The following MED28 variants were observed in gnomAD, a reference collection of about 807,000 sequenced individuals.
The protein encoded by MED28 is mediator of RNA polymerase II transcription subunit 28.
MED28 carries 26 observed loss-of-function variants against 21.3 expected under a neutral mutation model. That is an observed-to-expected ratio of 1.22 (90% CI 0.89 to 1.69). MED28 has a LOEUF of 1.69. Ranked by LOEUF, MED28 falls within the 40% of genes most tolerant of loss-of-function variation. The pLI, the probability that MED28 is intolerant of heterozygous loss-of-function variation, is 0.00. For synonymous variants in MED28, 110 were observed against 87.6 expected (o/e 1.26, Z -1.43); for missense variants, 257 against 215.4 (o/e 1.19, Z -1.21).
rs1403763963 is a variant in MED28 at position 17,625,683 on chromosome 4, C to CT, written c.*1886dup. ...ATCTTACTGGGTGATGAATAATCCT[C>CT]TAAGAAACCCTCTGAGCTGCTAACT... On this transcript the variant is annotated 3_prime_UTR_variant, in exon 4 of 4. Transcript: ENST00000237380. 2.2e-6 allele frequency: 1 copy of CT among 448,196 alleles called. No individual in the cohort carries two copies. Among genetic ancestry groups the CT allele is most frequent in the African/African-American group, 2.0e-5 (1 of 49,840 alleles). 27.8% of individuals were successfully genotyped at this position (448,196 alleles called of 1,614,324 possible).
chr4:17,615,703 G>T (rs1426101128), intron 1 of MED28, among the ~76,000 whole-genome samples: 1 of 151,860 alleles, frequency 6.6e-6, no homozygotes, highest in Non-Finnish European at 1.5e-5. Flanking sequence ...CCAGGTACTC[G>T]AGAGGCTGAG....
intron 1 of MED28, among the ~76,000 whole-genome samples, chr4:17,619,580 T>A (rs184050995): frequency 6.6e-5 from 10 of 152,150 alleles, no homozygotes; most frequent in African/African-American, 1.9e-4. Context: ...GTGAGTTGTG[T>A]AAGCACCAGC....
chr4:17,618,787 C>T (rs906365935), intron 1 of MED28, among the ~76,000 whole-genome samples: 1 of 151,998 alleles, frequency 6.6e-6, no homozygotes, highest in Admixed American at 6.6e-5. Flanking sequence ...GATCTGCCTG[C>T]GTGGGCCTCC....
In MED28 at chr4:17,632,500, A is replaced by T; in HGVS notation, c.*8702A>T. On this transcript the variant is annotated 3_prime_UTR_variant, in exon 4 of 4. Transcript: ENST00000237380. ...GATGATTTAAAATAAATGTTTTTCA[A>T]GTATCCTCTGTGATGTATCCCAAAG... 1 of 1,456,546 alleles carries T rather than the reference A, an allele frequency of 6.9e-7. No homozygotes were observed. The highest frequency in any genetic ancestry group is 9.3e-7 in the Non-Finnish European group (1 of 1,069,966). The allele number at this position is 1,456,546 out of a possible 1,614,324, so 90.2% of individuals were successfully genotyped here.
Position 17,626,934 on chromosome 4 carries a change from C to T in MED28, c.*3136C>T, listed in dbSNP as rs1024677155. 3.3e-5 allele frequency: 5 copies of T among 152,032 alleles called. No individual in the cohort carries two copies. The highest frequency in any genetic ancestry group is 4.4e-5 in the Non-Finnish European group (3 of 68,264). 9.4% of individuals were successfully genotyped at this position (152,032 alleles called of 1,614,324 possible). On this transcript the variant is annotated 3_prime_UTR_variant, in exon 4 of 4. Transcript: ENST00000237380. ...GCCTCCCAGAGGTTTAAGCAGTTCT[C>T]CTGCCTCAGCCTCCCAAGTAGCTGG...
chr4:17,617,731 A>T (rs1714491446), intron 1 of MED28, among the ~76,000 whole-genome samples: 1 of 151,994 alleles, frequency 6.6e-6, no homozygotes, highest in African/African-American at 2.4e-5. Flanking sequence ...ACATGGTGAA[A>T]CCCCATCTCT....
At position 17,619,958 on chromosome 4, in the gene MED28, A is replaced by G. The variant is rs563729922; in HGVS notation, c.217A>G (p.Ile73Val). Residue 73 changes from isoleucine to valine, a missense_variant, in exon 2 of 4, where the codon ATT (isoleucine) becomes GTT (valine). Transcript: ENST00000237380. ...DYVNGTDQEE[I>V]RTGVDQCIQK... ...TGTCAATGGCACCGATCAGGAAGAAATTCGAACCGGTAAGCATTCCCTCTG... is the reference window on the plus strand; with the variant it reads ...TGTCAATGGCACCGATCAGGAAGAAGTTCGAACCGGTAAGCATTCCCTCTG... 4 of 1,614,106 alleles carry G rather than the reference A, an allele frequency of 2.5e-6. No homozygotes were observed. Among genetic ancestry groups the G allele is most frequent in the Admixed American group, 3.3e-5 (2 of 60,022 alleles).
Position 17,625,713 on chromosome 4 carries a change from C to G in MED28, c.*1915C>G, listed in dbSNP as rs900576445. 2.3e-6 allele frequency: 1 copy of G among 440,292 alleles called. No individual in the cohort carries two copies. The highest frequency in any genetic ancestry group is 4.5e-6 in the Non-Finnish European group (1 of 222,176). 27.3% of individuals were successfully genotyped at this position (440,292 alleles called of 1,614,324 possible). ...AAACCCTCTGAGCTGCTAACTTTTT[C>G]AGGGAGAAAATCACAAGCCATCTTC... On this transcript the variant is annotated 3_prime_UTR_variant, in exon 4 of 4. Coordinates refer to ENST00000237380, the MANE Select transcript of MED28 (RefSeq NM_025205.5).
chr4:17,633,751 T>G lies in MED28; in HGVS notation c.*9953T>G. 1.3e-6 allele frequency: 2 copies of G among 1,550,910 alleles called. No homozygotes were observed. The highest frequency in any genetic ancestry group is 2.7e-5 in the African/African-American group (2 of 73,082). ...TGTAGGTCCGGCCACAGCTGGGGCT[T>G]GGGTCCAAGCTGGGTGATGTAGTTA... On this transcript the variant is annotated 3_prime_UTR_variant, in exon 4 of 4. Coordinates refer to ENST00000237380, the MANE Select transcript of MED28 (RefSeq NM_025205.5).
chr4:17,625,201 C>T lies in MED28; in HGVS notation c.*1403C>T. The T allele has an allele frequency of 6.5e-6, 1 of 153,044 alleles. No individual in the cohort carries two copies. Among genetic ancestry groups the T allele is most frequent in the Non-Finnish European group, 1.5e-5 (1 of 68,808 alleles). The allele number at this position is 153,044 out of a possible 1,614,324, so 9.5% of individuals were successfully genotyped here. On this transcript the variant is annotated 3_prime_UTR_variant, in exon 4 of 4. Transcript: ENST00000237380. ...TAGTGCTTTGTATCTGTCTCTCTGC[C>T]CCTCACTAATTCTACACCCATGAGA...
Position 17,619,893 on chromosome 4 carries a change from T to G in MED28, c.160-8T>G. ...TATTTTTTTCTTTCCTATGTTTTGA[T>G]TACACAGGCTTGCTTTGCATCTCTG... is the stretch of plus-strand genomic sequence containing the variant. On this transcript the variant is annotated splice_region_variant and splice_polypyrimidine_tract_variant and intron_variant, in intron 1 of 3. Coordinates refer to ENST00000237380, the MANE Select transcript of MED28 (RefSeq NM_025205.5). 1 of 1,613,312 alleles carries G rather than the reference T, an allele frequency of 6.2e-7. No individual in the cohort carries two copies. Among genetic ancestry groups the G allele is most frequent in the Non-Finnish European group, 8.5e-7 (1 of 1,179,242 alleles).
Position 17,626,706 on chromosome 4 carries a change from C to CTG in MED28, c.*2910_*2911dup, listed in dbSNP as rs1560159608. On this transcript the variant is annotated 3_prime_UTR_variant, in exon 4 of 4. Transcript: ENST00000237380. The stretch of plus-strand genomic sequence containing the variant: ...TTTTTTTTGAGACAGGAGTCTTGCT[C>CTG]TGTTGCCCAGGCTGTAGTGCAGTGG... The CTG allele has an allele frequency of 6.6e-6, 1 of 152,328 alleles. No individual in the cohort carries two copies. The highest frequency in any genetic ancestry group is 1.5e-5 in the Non-Finnish European group (1 of 68,250). The allele number at this position is 152,328 out of a possible 1,614,324, so 9.4% of individuals were successfully genotyped here.
intron 1 of MED28, among the ~76,000 whole-genome samples, chr4:17,619,594 A>AGGC (rs1202576362): frequency 1.3e-5 from 2 of 152,134 alleles, no homozygotes; most frequent in Non-Finnish European, 2.9e-5. Context: ...CACCAGCAAG[A>AGGC]GGCCACAGTG....
At position 17,624,773 on chromosome 4, in the gene MED28, C is replaced by CA. The variant is rs2108919328; in HGVS notation, c.*976dup. 6.6e-6 allele frequency: 1 copy of CA among 152,066 alleles called. No individual in the cohort carries two copies. The highest frequency in any genetic ancestry group is 1.9e-4 in the East Asian group (1 of 5,146). The allele number at this position is 152,066 out of a possible 1,614,324, so 9.4% of individuals were successfully genotyped here. Reference sequence around the variant, plus strand: ...GGGTGGGGAGGGGCTGCAGGGTGATCATTGGCTACTGAGCCTCCACAGAGA... The same window carrying CA: ...GGGTGGGGAGGGGCTGCAGGGTGATCAATTGGCTACTGAGCCTCCACAGAGA... On this transcript the variant is annotated 3_prime_UTR_variant, in exon 4 of 4. Coordinates refer to ENST00000237380, the MANE Select transcript of MED28 (RefSeq NM_025205.5).
At position 17,628,215 on chromosome 4, in the gene MED28, A is replaced by T. The variant is rs1444851378; in HGVS notation, c.*4417A>T. ...AAGGTCAGTTTACCACTCACAAAATACCAAACATCCTTCTGCTGGTTAAAA... is the reference window on the plus strand; with the variant it reads ...AAGGTCAGTTTACCACTCACAAAATTCCAAACATCCTTCTGCTGGTTAAAA... On this transcript the variant is annotated 3_prime_UTR_variant, in exon 4 of 4. Transcript: ENST00000237380. 1.3e-5 allele frequency: 2 copies of T among 151,316 alleles called. No homozygotes were observed. The highest frequency in any genetic ancestry group is 2.9e-5 in the Non-Finnish European group (2 of 68,130). 9.4% of individuals were successfully genotyped at this position (151,316 alleles called of 1,614,324 possible).
chr4:17,634,094 T>A lies in MED28; in HGVS notation c.*10296T>A. ...TAAATAAATATGTATGTTCACAACCTCTTAACCAAAACTTCTGGAGATGGA... is the reference window on the plus strand; with the variant it reads ...TAAATAAATATGTATGTTCACAACCACTTAACCAAAACTTCTGGAGATGGA... On this transcript the variant is annotated 3_prime_UTR_variant, in exon 4 of 4. Transcript: ENST00000237380. 2.5e-6 allele frequency: 1 copy of A among 402,022 alleles called. No individual in the cohort carries two copies. Among genetic ancestry groups the A allele is most frequent in the Non-Finnish European group, 4.3e-6 (1 of 233,810 alleles). 24.9% of individuals were successfully genotyped at this position (402,022 alleles called of 1,614,324 possible).
At position 17,631,988 on chromosome 4, in the gene MED28, T is replaced by G. The variant is rs1167467852; in HGVS notation, c.*8190T>G. The stretch of plus-strand genomic sequence containing the variant: ...AGAAATACAAGGTATGGGTCATTAG[T>G]AACGCTAATAACATTTTCCTATAGA... On this transcript the variant is annotated 3_prime_UTR_variant, in exon 4 of 4. Coordinates refer to ENST00000237380, the MANE Select transcript of MED28 (RefSeq NM_025205.5). The G allele has an allele frequency of 6.6e-6, 1 of 151,358 alleles. No individual in the cohort carries two copies. The highest frequency in any genetic ancestry group is 1.9e-4 in the East Asian group (1 of 5,166). The allele number at this position is 151,358 out of a possible 1,614,324, so 9.4% of individuals were successfully genotyped here.
At position 17,614,799 on chromosome 4, in the gene MED28, G is replaced by T; in HGVS notation, c.145G>T (p.Glu49Ter). 1.2e-6 allele frequency: 2 copies of T among 1,608,272 alleles called. No homozygotes were observed. Among genetic ancestry groups the T allele is most frequent in the Non-Finnish European group, 8.5e-7 (1 of 1,177,906 alleles). The stretch of plus-strand genomic sequence containing the variant: ...CAGCAGTACTTTGGTGGACGAGTTG[G>T]AGTCATCTTTCGAGGTAATATAAGA... ...PSSSTLVDELESSFEACFASL... is the reference protein window; with the variant it reads ...PSSSTLVDEL Residue 49 changes from glutamate to a stop codon, truncating the protein, a stop_gained, in exon 1 of 4, where the codon GAG becomes TAG. Transcript: ENST00000237380. LOFTEE classifies it high-confidence loss of function.
intron 3 of MED28, among the ~76,000 whole-genome samples, chr4:17,622,617 GT>G (rs1341026938): frequency 6.6e-6 from 1 of 152,244 alleles, no homozygotes; most frequent in African/African-American, 2.4e-5. Context: ...GATTTTCAGT[GT>G]TTTAGGTTCT....
Sources: gnomAD v4.1 joint callset for allele counts (sites outside exome capture counted in the v4.1 genomes callset) on GRCh38, gnomAD v4.1.1 for gene constraint, MANE v1.5 for transcripts, NCBI Gene and HGNC (gene_info 2026-07-23, HGNC 2026-07-21) for gene names.